The following NFS1 variants were observed in gnomAD, a reference collection of about 807,000 sequenced individuals.
NFS1 encodes the protein cysteine desulfurase.
A neutral mutation model predicts 57.3 loss-of-function variants in NFS1; 26 were observed. The ratio of observed to expected loss-of-function variants is 0.45; its 90% CI spans 0.33 to 0.63. The LOEUF (loss-of-function observed/expected upper bound fraction) is 0.63. NFS1 is among the 20% of genes least tolerant of loss of function. The probability of loss-of-function intolerance (pLI) is 0.02; values close to 1 mark genes in which losing one functional copy is unlikely to be tolerated. For missense variants in NFS1, 505 were observed against 605.8 expected, an observed-to-expected ratio of 0.83 and a Z score of 1.75; for synonymous variants, 209 against 216.3, an observed-to-expected ratio of 0.97 and a Z score of 0.30.
At chr20:35,689,280 A>T (rs1392847529) in intron 5 of NFS1, among the ~76,000 whole-genome samples, 1 of 151,380 alleles carries the variant, frequency 6.6e-6, no homozygotes, top group Non-Finnish European at 1.5e-5. Flanking sequence ...CTGAGGTCAA[A>T]AGGTCAAGAC....
chr20:35,675,363 A>G (rs2034723585), intron 7 of NFS1, 161 bp from the exon 8 acceptor site: 1 of 733,804 alleles, frequency 1.4e-6, no homozygotes, highest in East Asian at 2.7e-5. Context: ...CAGTAAAAGC[A>G]TAGTATTTAG....
chr20:35,690,958 C>G (rs2035030639), intron 4 of NFS1, among the ~76,000 whole-genome samples: 3 of 152,118 alleles, frequency 2.0e-5, no homozygotes, highest in Admixed American at 6.6e-5. Context: ...AAGCTATGGA[C>G]TTTGGGTGAT....
intron 8 of NFS1, 166 bp downstream of exon 8, chr20:35,674,879 C>A: frequency 1.1e-6 from 1 of 896,846 alleles, no homozygotes; most frequent in Non-Finnish European, 1.7e-6. Context: ...GTTTTGAAGC[C>A]CATAATGTCT....
At chr20:35,676,758 G>GAAAAAAAAAAAAAAAAAAAAAAAAAAAAA (rs746820595) in intron 7 of NFS1, among the ~76,000 whole-genome samples, 1 of 18,136 alleles carries the variant, frequency 5.5e-5, no homozygotes, top group Non-Finnish European at 9.2e-5. Flanking sequence ...GAGAAAATCA[G>GAAAAAAAAAAAAAAAAAAAAAAAAAAAAA]AAAAAAAAAA....
chr20:35,699,295 G>T lies in NFS1; in HGVS notation c.-7C>A. ...AAGCGGCTCGGAGCAGCATGGTCCC[G>T]CTGGCAGAGCCCACCTTCCGAAGCC... On this transcript the variant is annotated 5_prime_UTR_variant, in exon 1 of 13. Coordinates refer to ENST00000374092, the MANE Select transcript of NFS1 (RefSeq NM_021100.5). This position sits in a 1 kb window ranked among gnomAD's most constrained non-coding sequence, Gnocchi z 4.4. The T allele has an allele frequency of 7.1e-7, 1 of 1,400,906 alleles. No individual in the cohort carries two copies. Among genetic ancestry groups the T allele is most frequent in the Non-Finnish European group, 9.2e-7 (1 of 1,085,286 alleles). The allele number at this position is 1,400,906 out of a possible 1,614,324, so 86.8% of individuals were successfully genotyped here.
At position 35,682,133 on chromosome 20, in the gene NFS1, G is replaced by C. The variant is rs2034858098; in HGVS notation, c.562-152C>G. ...CAGTGACAACACAAAATGTTGGTGA[G>C]GATGCACAGACTCTGAATGGTTCAT... On this transcript the variant is annotated intron_variant, in intron 5 of 12. Transcript: ENST00000374092. The C allele has an allele frequency of 7.8e-6, 4 of 510,210 alleles. No individual in the cohort carries two copies. In the East Asian group the frequency reaches 9.2e-5, roughly 12 times the overall value. The allele number at this position is 510,210 out of a possible 1,614,324, so 31.6% of individuals were successfully genotyped here.
chr20:35,685,936 AT>A (rs1291829830), intron 5 of NFS1, among the ~76,000 whole-genome samples: 11 of 140,490 alleles, frequency 7.8e-5, no homozygotes, highest in South Asian at 2.3e-4. Flanking sequence ...TTCTTTCTTT[AT>A]TTTTTTTTTG....
intron 4 of NFS1, among the ~76,000 whole-genome samples, chr20:35,692,539 A>C (rs1297605303): frequency 2.7e-5 from 4 of 145,820 alleles, no homozygotes; most frequent in African/African-American, 1.0e-4. Flanking sequence ...AAAAAAAAAA[A>C]AAAAAAAAAA....
At chr20:35,697,302 TAAA>T (rs368169006) in intron 3 of NFS1, among the ~76,000 whole-genome samples, 4 of 125,952 alleles carry the variant, frequency 3.2e-5, no homozygotes, top group African/African-American at 2.9e-5. Context: ...CTCCATCTCA[TAAA>T]AAAAAAAAAA....
intron 4 of NFS1, among the ~76,000 whole-genome samples, chr20:35,693,659 T>C (rs1281540413): frequency 2.0e-5 from 3 of 151,792 alleles, no homozygotes; most frequent in Admixed American, 6.6e-5. Flanking sequence ...GAGAGCCGCA[T>C]CTCTACAAAA....
Position 35,699,318 on chromosome 20 carries a change from G to C in NFS1, c.-30C>G. On this transcript the variant is annotated 5_prime_UTR_variant, in exon 1 of 13. Coordinates refer to ENST00000374092, the MANE Select transcript of NFS1 (RefSeq NM_021100.5). This position sits in a 1 kb window ranked among gnomAD's most constrained non-coding sequence, Gnocchi z 4.4. ...CCGCTGGCAGAGCCCACCTTCCGAA[G>C]CCGCTGCAGTCCTGGGCCCCAGGCT... 4 of 1,395,954 alleles carry C rather than the reference G, an allele frequency of 2.9e-6. No individual in the cohort carries two copies. Among genetic ancestry groups the C allele is most frequent in the Non-Finnish European group, 3.7e-6 (4 of 1,081,630 alleles). 86.5% of individuals were successfully genotyped at this position (1,395,954 alleles called of 1,614,324 possible). A position where few individuals can be genotyped will look rare whatever the true frequency, so the allele number is the denominator to read the frequency against.
intron 11 of NFS1, among the ~76,000 whole-genome samples, chr20:35,673,172 C>A (rs927767192): frequency 2.0e-5 from 3 of 152,060 alleles, no homozygotes; most frequent in Admixed American, 6.6e-5. Context: ...TCTGTAATCC[C>A]AGCTACTCAG....
intron 7 of NFS1, 68 bp from the exon 8 acceptor site, chr20:35,675,270 C>A: frequency 7.0e-7 from 1 of 1,435,246 alleles, no homozygotes; most frequent in Non-Finnish European, 9.3e-7. Context: ...TATTTCTTTC[C>A]AAAGGGATCA....
intron 4 of NFS1, 34 bp from the exon 5 acceptor site, chr20:35,690,599 A>G (rs1476179773): frequency 2.8e-5 from 45 of 1,610,458 alleles, no homozygotes; most frequent in African/African-American, 4.0e-5. Context: ...GAAGGAGAAC[A>G]TACTCAGAGA....
Position 35,692,020 on chromosome 20 carries a change from T to TA in NFS1, c.409-1456dup, listed in dbSNP as rs199564035. ...CAACATGGAAAAACTCCGTCTCTAC[T>TA]AAAAAAAATACAAAAATTAGCCAGG... On this transcript the variant is annotated intron_variant, in intron 4 of 12. Transcript: ENST00000374092. Among the ~76,000 whole-genome samples the TA allele has an allele frequency of 6.4e-3, 964 of 151,016 alleles. 9 individuals are homozygous for TA. The highest frequency in any genetic ancestry group is 0.042 in the East Asian group (213 of 5,100).
At chr20:35,673,766 C>A in intron 10 of NFS1, 82 bp from the exon 11 acceptor site, 1 of 1,143,296 alleles carries the variant, frequency 8.7e-7, no homozygotes. Flanking sequence ...GTTCCCATCC[C>A]CCAGGGCCCT....
rs1490304272 is a variant in NFS1, at chr20:35,698,607, C to G, written c.98-17G>C. 2.8e-5 allele frequency: 45 copies of G among 1,586,124 alleles called. No individual in the cohort carries two copies. Among genetic ancestry groups the G allele is most frequent in the Non-Finnish European group, 3.8e-5 (44 of 1,169,664 alleles). On this transcript the variant is annotated splice_polypyrimidine_tract_variant and intron_variant, in intron 1 of 12. Coordinates refer to ENST00000374092, the MANE Select transcript of NFS1 (RefSeq NM_021100.5). Reference sequence around the variant, plus strand: ...GGTCTCCAACTGATAAAAAATGGAACGGAGTAGCCAAGTAAGACCGAAGGC... The same window carrying G: ...GGTCTCCAACTGATAAAAAATGGAAGGGAGTAGCCAAGTAAGACCGAAGGC...
chr20:35,682,351 C>A (rs905870707), intron 5 of NFS1, among the ~76,000 whole-genome samples: 11 of 152,136 alleles, frequency 7.2e-5, no homozygotes, highest in African/African-American at 2.7e-4. Flanking sequence ...ATTCGTAATA[C>A]CAAAAACCTA....
Position 35,673,656 on chromosome 20 carries a change from A to C in NFS1, c.1165T>G (p.Ser389Ala). 6.2e-7 allele frequency: 1 copy of C among 1,613,962 alleles called. No homozygotes were observed. Among genetic ancestry groups the C allele is most frequent in the Non-Finnish European group, 8.5e-7 (1 of 1,179,918 alleles). The change falls in exon 11 of 13, where the codon TCT becomes GCT. Residue 389 changes from serine (S) to alanine (A), a missense_variant. Ser to Ala is a moderately conservative substitution (Grantham distance 99). Coordinates refer to ENST00000374092, the MANE Select transcript of NFS1 (RefSeq NM_021100.5). ...GTGCCAATTGCTCTAAGCACATAAGAGGGCTCCAGGGATGCAGAGGTGCAG... is the reference window on the plus strand; with the variant it reads ...GTGCCAATTGCTCTAAGCACATAAGCGGGCTCCAGGGATGCAGAGGTGCAG... ...SACTSASLEP[S>A]YVLRAIGTDE...
Sources: gnomAD v4.1 joint callset for allele counts (sites outside exome capture counted in the v4.1 genomes callset) on GRCh38, gnomAD v4.1.1 for gene constraint, Gnocchi (gnomAD v3.1) non-coding constraint, MANE v1.5 for transcripts, NCBI Gene and HGNC (gene_info 2026-07-23, HGNC 2026-07-21) for gene names.